MAOA: variants seen among roughly 807,000 people sequenced by gnomAD.
The protein encoded by MAOA is monoamine oxidase A.
MAOA carries 6 observed loss-of-function variants against 42.0 expected under a neutral mutation model. The observed-to-expected ratio is 0.14, with a 90% CI of 0.08 to 0.28. The LOEUF (loss-of-function observed/expected upper bound fraction) is 0.28. MAOA is among the 10% of genes least tolerant of loss of function. MAOA has a pLI of 1.00. For missense variants in MAOA, 262 were observed against 422.3 expected (o/e 0.62, Z 3.33); for synonymous variants, 140 against 154.0 (o/e 0.91, Z 0.67).
At chrX:43,739,472 G>A (rs1013059783) in intron 10 of MAOA, among the ~76,000 whole-genome samples, 5 of 112,326 alleles carry the variant, frequency 4.5e-5, no homozygotes, top group African/African-American at 1.6e-4. Context: ...AATGGTTTAA[G>A]TGTGAGGATT....
intron 1 of MAOA, among the ~76,000 whole-genome samples, chrX:43,678,508 A>AT (rs961839444): frequency 8.9e-6 from 1 of 112,121 alleles, no homozygotes; most frequent in Admixed American, 9.5e-5. Flanking sequence ...TTTTCTAACA[A>AT]TTTTATCCCA....
chrX:43,730,086 C>T (rs1025321497), intron 6 of MAOA, among the ~76,000 whole-genome samples: 3 of 106,634 alleles, frequency 2.8e-5, no homozygotes, highest in African/African-American at 1.0e-4. Flanking sequence ...CCCAGCTACT[C>T]GGGAGGCCAA....
At chrX:43,696,953 C>T (rs143198733) in intron 3 of MAOA, among the ~76,000 whole-genome samples, 15 of 111,384 alleles carry the variant, frequency 1.3e-4, no homozygotes, top group African/African-American at 4.2e-4. Context: ...AAATCACAGC[C>T]GCTGTGGTTG....
At chrX:43,683,999 C>T (rs959534802) in intron 2 of MAOA, among the ~76,000 whole-genome samples, 174 of 110,742 alleles carry the variant, frequency 1.6e-3, no homozygotes, top group African/African-American at 5.6e-3. Context: ...CCCTATTTAT[C>T]CAATGACACA....
At chrX:43,671,849 T>A (rs1601927167) in intron 1 of MAOA, among the ~76,000 whole-genome samples, 1 of 103,279 alleles carries the variant, frequency 9.7e-6, no homozygotes, top group Admixed American at 1.1e-4. Context: ...ACTGTAGCCT[T>A]GTAGTATAGT....
rs758888309 is a variant in MAOA, at chrX:43,680,942, G to A, written c.74-2571G>A. Among the ~76,000 whole-genome samples, 8 of 111,332 alleles carry A rather than the reference G, an allele frequency of 7.2e-5. No homozygotes were observed. In the South Asian group the frequency reaches 3.0e-3, roughly 42 times the overall value. The stretch of plus-strand genomic sequence containing the variant: ...AAATGAGAGTTTTTGTGTTTGTTTA[G>A]TATTATTATGAACTCATGGATTTAA... On this transcript the variant is annotated intron_variant, in intron 1 of 14. Coordinates refer to ENST00000338702, the MANE Select transcript of MAOA (RefSeq NM_000240.4).
intron 10 of MAOA, 113 bp downstream of exon 10, chrX:43,736,393 A>C: frequency 2.1e-6 from 1 of 480,062 alleles, no homozygotes; most frequent in Non-Finnish European, 3.6e-6. Flanking sequence ...AATATTCTCA[A>C]AATTCCAACA....
rs1315849494 is a variant in MAOA, at chrX:43,711,850, T to A, written c.307-22T>A. On this transcript the variant is annotated intron_variant, in intron 3 of 14. Transcript: ENST00000338702. ...TAAGATATTACTCTTTTTGATTGAT[T>A]CTGTTTGCTTTTATGTTCTAGGGGA... is the stretch of plus-strand genomic sequence containing the variant. 3.5e-5 allele frequency: 38 copies of A among 1,094,386 alleles called. No individual in the cohort carries two copies. The East Asian group carries it at 1.1e-3, about 33-fold the overall frequency. The allele number at this position is 1,094,386 out of a possible 1,213,427, so 90.2% of individuals were successfully genotyped here. A position where few individuals can be genotyped will look rare whatever the true frequency, so the allele number is the denominator to read the frequency against.
rs1378192540 is a variant in MAOA, at chrX:43,721,997, C to T, written c.504-6176C>T. ...GAATGATGGTTTCCAGTTTCATCCACGTCCCTGCAAAGGACATGAACTCAT... is the reference window on the plus strand; with the variant it reads ...GAATGATGGTTTCCAGTTTCATCCATGTCCCTGCAAAGGACATGAACTCAT... On this transcript the variant is annotated intron_variant, in intron 5 of 14. Transcript: ENST00000338702. Among the ~76,000 whole-genome samples the T allele has an allele frequency of 5.4e-5, 6 of 111,424 alleles. 1 individual carries two copies. In the Admixed American group the frequency reaches 5.7e-4, roughly 11 times the overall value.
chrX:43,728,390 A>C, intron 6 of MAOA, 76 bp downstream of exon 6: 1 of 1,049,598 alleles, frequency 9.5e-7, no homozygotes, highest in Non-Finnish European at 1.3e-6. Context: ...AGTGTCTTTA[A>C]TAGTTGCTTC....
chrX:43,713,304 AG>A (rs1416029828), intron 5 of MAOA, among the ~76,000 whole-genome samples: 1 of 111,033 alleles, frequency 9.0e-6, no homozygotes, highest in Non-Finnish European at 1.9e-5. Flanking sequence ...GGATGCAGGG[AG>A]GGGAACAACA....
intron 9 of MAOA, 126 bp downstream of exon 9, chrX:43,732,921 T>C: frequency 1.9e-6 from 1 of 528,298 alleles, no homozygotes; most frequent in Non-Finnish European, 3.4e-6. Flanking sequence ...AAATATATAA[T>C]GTTTCCATGT....
At chrX:43,696,735 CAAA>C (rs752514840) in intron 3 of MAOA, among the ~76,000 whole-genome samples, 2 of 41,659 alleles carry the variant, frequency 4.8e-5, no homozygotes, top group Non-Finnish European at 4.6e-5. Context: ...GACTCCGTCT[CAAA>C]AAAAAAAAAA....
At chrX:43,734,983 T>C (rs2033909511) in intron 9 of MAOA, among the ~76,000 whole-genome samples, 1 of 112,377 alleles carries the variant, frequency 8.9e-6, no homozygotes, top group South Asian at 3.7e-4. Flanking sequence ...ACTAAAATAA[T>C]TAATAACAAG....
intron 1 of MAOA, among the ~76,000 whole-genome samples, chrX:43,657,084 C>CTGTGTGTGTGTG (rs10560402): frequency 1.4e-5 from 1 of 71,244 alleles, no homozygotes; most frequent in Admixed American, 1.6e-4. Flanking sequence ...TAAACTATTC[C>CTGTGTGTGTGTG]TGTGTGTGTG....
chrX:43,734,914 T>C (rs1461285208), intron 9 of MAOA, among the ~76,000 whole-genome samples: 1 of 67,813 alleles, frequency 1.5e-5, no homozygotes, highest in Non-Finnish European at 3.7e-5. Context: ...CAGATATTGA[T>C]GATTAAAAAA....
At chrX:43,725,811 G>A (rs2033828703) in intron 5 of MAOA, among the ~76,000 whole-genome samples, 1 of 111,988 alleles carries the variant, frequency 8.9e-6, no homozygotes, top group Admixed American at 9.5e-5. Context: ...GGCTGGTACT[G>A]GTTGTCCTTT....
At chrX:43,721,806 A>G (rs902740525) in intron 5 of MAOA, among the ~76,000 whole-genome samples, 4 of 110,183 alleles carry the variant, frequency 3.6e-5, no homozygotes, top group Non-Finnish European at 7.6e-5. Context: ...CGTCATTTAC[A>G]TTAGGCATTT....
chrX:43,694,431 A>G (rs190768538), intron 3 of MAOA, among the ~76,000 whole-genome samples: 1 of 112,029 alleles, frequency 8.9e-6, no homozygotes, highest in East Asian at 2.8e-4. Context: ...TGCTTGGGAT[A>G]GTCTGGTGGT....
Sources: allele counts gnomAD v4.1 joint callset (sites outside exome capture counted in the v4.1 genomes callset), GRCh38; gene constraint gnomAD v4.1.1; transcripts MANE v1.5; gene names NCBI Gene and HGNC (gene_info 2026-07-23, HGNC 2026-07-21).